TUBGCP6: variants seen among roughly 807,000 people sequenced by gnomAD.
The protein encoded by TUBGCP6 is gamma-tubulin complex component 6.
In TUBGCP6, 161 loss-of-function variants were observed where a neutral mutation model predicts 175.8. That is an observed-to-expected ratio of 0.92 (90% CI 0.81 to 1.04). The LOEUF is 1.04. Among genes scored for constraint, TUBGCP6 ranks in the 50% least tolerant of loss-of-function variants. The probability of loss-of-function intolerance (pLI) is 0.00; values close to 1 mark genes in which losing one functional copy is unlikely to be tolerated. For missense variants in TUBGCP6, 2,572 were observed against 2,433.0 expected (o/e 1.06, Z -1.20); for synonymous variants, 1,173 against 1,030.5 (o/e 1.14, Z -2.65).
chr22:50,239,628 G>A (rs1382242256), intron 2 of TUBGCP6, among the ~76,000 whole-genome samples: 2 of 152,200 alleles, frequency 1.3e-5, no homozygotes, highest in Non-Finnish European at 2.9e-5. Flanking sequence ...GCTGGTACCA[G>A]TCAGGAAAAA....
In TUBGCP6 at chr22:50,221,845, C is replaced by T. The variant is rs771223532; in HGVS notation, c.2514G>A (p.Glu838=). 7 of 1,512,862 alleles carry T rather than the reference C, an allele frequency of 4.6e-6. No homozygotes were observed. In the African/African-American group the frequency reaches 8.4e-5, roughly 18 times the overall value. The allele number at this position is 1,512,862 out of a possible 1,614,324, so 93.7% of individuals were successfully genotyped here. Residue 838 remains glutamate, a synonymous_variant, in exon 16 of 25, where the codon GAG becomes GAA. Transcript: ENST00000248846. ...ACCCAGAATCACAGCCTTGGCCTCC[C>T]TCTGGGTGCTCAGGGCCCGGAGACG... ...QVTSPGPEHP[E]GGQGCDSGSA...
rs1236441479 is a variant in TUBGCP6 at position 50,217,771 on chromosome 22, G to A, written c.5425C>T (p.Arg1809Cys). 14 of 1,613,906 alleles carry A rather than the reference G, an allele frequency of 8.7e-6. No homozygotes were observed. Among genetic ancestry groups the A allele is most frequent in the South Asian group, 5.5e-5 (5 of 91,078 alleles). ...TGGTAGTAGTTGTTGAAGTTGATGC[G>A]CAGCAGAAAGTCCTCCAGGTGGGGC... ...YQPHLEDFLLRINFNNYYQDA is the reference protein window; with the variant it reads ...YQPHLEDFLLCINFNNYYQDA The change falls in exon 25 of 25, where the codon CGC becomes TGC. Residue 1809 changes from arginine (R) to cysteine (C), a missense_variant. By Grantham distance (180) the Arg-to-Cys change is radical. Transcript: ENST00000248846.
chr22:50,224,790 T>C (rs1047969623), intron 10 of TUBGCP6, among the ~76,000 whole-genome samples, 198 bp from the exon 11 acceptor site: 2 of 151,924 alleles, frequency 1.3e-5, no homozygotes, highest in Non-Finnish European at 1.5e-5. Context: ...GCCTGTAGTA[T>C]CAACTATTTG....
At position 50,220,357 on chromosome 22, in the gene TUBGCP6, C is replaced by T. The variant is rs551910403; in HGVS notation, c.4002G>A (p.Ser1334=). ...EVGPSLSSPS[S]GCGEGSISVG... The stretch of plus-strand genomic sequence containing the variant: ...CGCTGATGCTCCCCTCCCCGCAGCC[C>T]GAGCTGGGGGAGGACAGAGATGGCC... The change falls in exon 16 of 25, where the codon TCG becomes TCA. Residue 1334 remains serine, a synonymous_variant. Transcript: ENST00000248846. 80 of 1,556,938 alleles carry T rather than the reference C, an allele frequency of 5.1e-5. No homozygotes were observed. In the East Asian group the frequency reaches 1.4e-3, roughly 27 times the overall value.
chr22:50,240,056 TCA>T, intron 2 of TUBGCP6, 146 bp downstream of exon 2: 1 of 1,093,162 alleles, frequency 9.1e-7, no homozygotes, highest in Non-Finnish European at 1.3e-6. Flanking sequence ...CTCCCAGGAC[TCA>T]GTCAATTTTG....
At chr22:50,220,222 C>T in intron 16 of TUBGCP6, 29 bp downstream of exon 16, 2 of 1,544,598 alleles carry the variant, frequency 1.3e-6, no homozygotes, top group South Asian at 1.2e-5. Flanking sequence ...CACAGTCCCA[C>T]TCCTGACCAC....
chr22:50,237,394 G>C (rs747965780), intron 2 of TUBGCP6, among the ~76,000 whole-genome samples: 1 of 152,236 alleles, frequency 6.6e-6, no homozygotes, highest in Non-Finnish European at 1.5e-5. Context: ...AAGACCAAAC[G>C]ATTTGCCAAA....
At chr22:50,228,124 T>G in intron 4 of TUBGCP6, 96 bp from the exon 5 acceptor site, 1 of 1,371,328 alleles carries the variant, frequency 7.3e-7, no homozygotes, top group East Asian at 2.8e-5. Flanking sequence ...AGCGCTTTGT[T>G]TCTTGCCTCA....
chr22:50,218,747 G>C lies in TUBGCP6; in HGVS notation c.4777C>G (p.Pro1593Ala), dbSNP rs201997192. ...CAGCTCAGCACATCCGGGGCGTTGG[G>C]GGCAAACACCTCGGGCAGGTACTTG... is the stretch of plus-strand genomic sequence containing the variant. ...ALKYLPEVFA[P>A]NAPDVLSCLE... The change falls in exon 21 of 25, where the codon CCC (proline) becomes GCC (alanine). Residue 1593 changes from proline to alanine, a missense_variant. Coordinates refer to ENST00000248846, the MANE Select transcript of TUBGCP6 (RefSeq NM_020461.4). 6.2e-7 allele frequency: 1 copy of C among 1,614,040 alleles called. No individual in the cohort carries two copies. Among genetic ancestry groups the C allele is most frequent in the African/African-American group, 1.3e-5 (1 of 75,054 alleles).
chr22:50,244,671 AC>A lies in TUBGCP6; in HGVS notation c.-213del. 1 of 769,134 alleles carries A rather than the reference AC, an allele frequency of 1.3e-6. No homozygotes were observed. The highest frequency in any genetic ancestry group is 2.0e-6 in the Non-Finnish European group (1 of 512,364). 47.6% of individuals were successfully genotyped at this position (769,134 alleles called of 1,614,324 possible). ...ACGCCCTGCCCTCCCCAGTCCAAGCACGCTGCCCGGCGCCCGGCAGCCCACC... is the reference window on the plus strand; with the variant it reads ...ACGCCCTGCCCTCCCCAGTCCAAGCAGCTGCCCGGCGCCCGGCAGCCCACC... On this transcript the variant is annotated 5_prime_UTR_variant, in exon 1 of 25. Coordinates refer to ENST00000248846, the MANE Select transcript of TUBGCP6 (RefSeq NM_020461.4).
chr22:50,228,567 G>A (rs950669598), intron 4 of TUBGCP6, among the ~76,000 whole-genome samples: 3 of 152,126 alleles, frequency 2.0e-5, no homozygotes, highest in Non-Finnish European at 2.9e-5. Context: ...ACCCACCCCA[G>A]GAGCCGCCTG....
At position 50,220,257 on chromosome 22, in the gene TUBGCP6, C is replaced by T. The variant is rs184425523; in HGVS notation, c.4102G>A (p.Glu1368Lys). 3.9e-5 allele frequency: 61 copies of T among 1,555,308 alleles called. No individual in the cohort carries two copies. The East Asian group carries it at 1.1e-3, about 28-fold the overall frequency. The change falls in exon 16 of 25, where the codon GAA becomes AAA. Residue 1368 changes from glutamate (E) to lysine (K), a missense_variant. Coordinates refer to ENST00000248846, the MANE Select transcript of TUBGCP6 (RefSeq NM_020461.4). ...CCAGCCACCCTACTCTGACCTAGTTCTTCAGAGACACTGTCTCCCGGGGTG... is the reference window on the plus strand; with the variant it reads ...CCAGCCACCCTACTCTGACCTAGTTTTTCAGAGACACTGTCTCCCGGGGTG... ...PNTPGDSVSEELGPGRSGDTE... is the reference protein window; with the variant it reads ...PNTPGDSVSEKLGPGRSGDTE...
chr22:50,243,724 T>C lies in TUBGCP6; in HGVS notation c.736A>G (p.Ile246Val), dbSNP rs781080290. 2 of 1,607,182 alleles carry C rather than the reference T, an allele frequency of 1.2e-6. No homozygotes were observed. The highest frequency in any genetic ancestry group is 2.2e-5 in the East Asian group (1 of 44,688). The change falls in exon 1 of 25, where the codon ATT becomes GTT. Residue 246 changes from isoleucine to valine, a missense_variant. Physicochemically the swap from Ile to Val is conservative, Grantham distance 29. Transcript: ENST00000248846. ...GGAAAAACTAAACATTCTACCTTAATAGCCAGCCCAGAGAGGTCCGCATTG... is the reference window on the plus strand; with the variant it reads ...GGAAAAACTAAACATTCTACCTTAACAGCCAGCCCAGAGAGGTCCGCATTG... ...PDNADLSGLA[I>V]KVPPSVDQWE...
intron 2 of TUBGCP6, 140 bp from the exon 3 acceptor site, chr22:50,233,666 T>C (rs575696568): frequency 1.2e-6 from 1 of 840,024 alleles, no homozygotes; most frequent in African/African-American, 1.7e-5. Flanking sequence ...CATAGCCAGG[T>C]ATGAATGTCA....
intron 1 of TUBGCP6, 98 bp from the exon 2 acceptor site, chr22:50,240,465 A>G (rs777553507): frequency 9.2e-6 from 13 of 1,419,872 alleles, no homozygotes; most frequent in Non-Finnish European, 1.3e-5. Context: ...AAGACCTAAC[A>G]AAATGTTTCT....
In TUBGCP6 at chr22:50,219,082, G is replaced by A; in HGVS notation, c.4612C>T (p.Leu1538=). The change falls in exon 20 of 25, where the codon CTG becomes TTG. Residue 1538 remains leucine (L), a synonymous_variant. Transcript: ENST00000248846. ...DGEFAQSLSD[L]LFEKLGAGQT... ...CCGGAGGCCACCTTCTCAAAGAGCA[G>A]GTCGCTGAGGGACTGGGCGAACTCG... is the stretch of plus-strand genomic sequence containing the variant. The A allele has an allele frequency of 6.2e-7, 1 of 1,612,488 alleles. No homozygotes were observed. Among genetic ancestry groups the A allele is most frequent in the Non-Finnish European group, 8.5e-7 (1 of 1,179,954 alleles).
intron 24 of TUBGCP6, 32 bp from the exon 25 acceptor site, chr22:50,217,859 CCA>C (rs1269937333): frequency 1.4e-5 from 22 of 1,611,698 alleles, no homozygotes; most frequent in African/African-American, 5.3e-5. Flanking sequence ...AGGCTTTTGC[CCA>C]CAGTGTGAGC....
chr22:50,229,149 T>G (rs2064656787), intron 4 of TUBGCP6, among the ~76,000 whole-genome samples: 1 of 152,116 alleles, frequency 6.6e-6, no homozygotes, highest in African/African-American at 2.4e-5. Context: ...CCCCTTATGC[T>G]GGCTGCACCT....
At chr22:50,230,367 G>C (rs949096592) in intron 3 of TUBGCP6, among the ~76,000 whole-genome samples, 1 of 152,130 alleles carries the variant, frequency 6.6e-6, no homozygotes, top group African/African-American at 2.4e-5. Flanking sequence ...AGCACTTCAG[G>C]AGGCCAAGGC....
Sources: allele counts gnomAD v4.1 joint callset (sites outside exome capture counted in the v4.1 genomes callset), GRCh38; gene constraint gnomAD v4.1.1; transcripts MANE v1.5; gene names NCBI Gene and HGNC (gene_info 2026-07-23, HGNC 2026-07-21).